CRISP1: variants seen among roughly 807,000 people sequenced by gnomAD.
CRISP1 encodes the protein cysteine rich secretory protein 1.
Under a neutral mutation model 33.1 loss-of-function variants are expected in CRISP1, and 44 were observed. That is an observed-to-expected ratio of 1.33 (90% CI 1.05 to 1.71). The LOEUF (loss-of-function observed/expected upper bound fraction) is 1.71. Ranked by LOEUF, CRISP1 falls within the 40% of genes most tolerant of loss-of-function variation. CRISP1 has a pLI of 0.00. For synonymous variants in CRISP1, 103 were observed against 98.7 expected (o/e 1.04, Z -0.26); for missense variants, 390 against 301.2 (o/e 1.29, Z -2.18).
At chr6:49,842,640 C>T (rs1298722696) in intron 5 of CRISP1, among the ~76,000 whole-genome samples, 3 of 152,144 alleles carry the variant, frequency 2.0e-5, no homozygotes, top group Non-Finnish European at 4.4e-5. Context: ...CATTAATGTT[C>T]TTGCTGTTCA....
At chr6:49,859,112 TCA>T (rs572831205) in intron 1 of CRISP1, among the ~76,000 whole-genome samples, 8 of 152,098 alleles carry the variant, frequency 5.3e-5, no homozygotes, top group Middle Eastern at 3.4e-3. Context: ...TTCTAGACTC[TCA>T]CAGACCCCTC....
chr6:49,842,346 A>G (rs993962792), intron 5 of CRISP1, among the ~76,000 whole-genome samples: 1 of 152,172 alleles, frequency 6.6e-6, no homozygotes, highest in Non-Finnish European at 1.5e-5. Context: ...CTGAACATCT[A>G]TTTTGCTATG....
At chr6:49,871,603 T>C (rs899704203) in intron 1 of CRISP1, among the ~76,000 whole-genome samples, 1 of 123,882 alleles carries the variant, frequency 8.1e-6, no homozygotes, top group Non-Finnish European at 1.6e-5. Context: ...CCTGTGTCCA[T>C]GTGTTCTCAT....
intron 1 of CRISP1, among the ~76,000 whole-genome samples, chr6:49,876,147 A>G (rs1056115461): frequency 2.0e-5 from 3 of 152,178 alleles, no homozygotes; most frequent in Non-Finnish European, 2.9e-5. Context: ...TATTCATCTG[A>G]CAAAGGTCTA....
rs190049921 is a variant in CRISP1 at position 49,858,053 on chromosome 6, A to C, written c.-2-651T>G. ...TCAATTTATGATAACTTGTTATAGT[A>C]GCAAGAGGAAACTAATATAAGAACA... On this transcript the variant is annotated intron_variant, in intron 1 of 7. Transcript: ENST00000335847. Among the ~76,000 whole-genome samples the C allele has an allele frequency of 3.0e-3, 460 of 152,324 alleles. 12 individuals carry two copies. The highest frequency in any genetic ancestry group is 0.028 in the Admixed American group (422 of 15,298).
intron 7 of CRISP1, among the ~76,000 whole-genome samples, chr6:49,837,640 G>A (rs1200362360): frequency 6.6e-6 from 1 of 151,986 alleles, no homozygotes; most frequent in African/African-American, 2.4e-5. Flanking sequence ...TACTTTAAAA[G>A]ACAATAAAGT....
chr6:49,859,660 G>T (rs528143939), intron 1 of CRISP1, among the ~76,000 whole-genome samples: 2 of 151,954 alleles, frequency 1.3e-5, no homozygotes, highest in African/African-American at 4.8e-5. Context: ...AAACTCAAAT[G>T]TTATCACTAC....
chr6:49,869,680 C>T (rs1446788048), upstream of CRISP1, among the ~76,000 whole-genome samples: 1 of 152,172 alleles, frequency 6.6e-6, no homozygotes, highest in Admixed American at 6.5e-5. Flanking sequence ...AGTATCCTTT[C>T]TTTCCCAGGA....
chr6:49,870,247 G>A (rs767729056), upstream of CRISP1, among the ~76,000 whole-genome samples: 3 of 152,172 alleles, frequency 2.0e-5, no homozygotes, highest in Non-Finnish European at 4.4e-5. Flanking sequence ...TTTGGAATTT[G>A]TGTCAGCTAG....
At chr6:49,863,496 TG>T (rs547928726) in intron 1 of CRISP1, among the ~76,000 whole-genome samples, 150 of 152,338 alleles carry the variant, frequency 9.8e-4, no homozygotes, top group African/African-American at 3.5e-3. Context: ...TATACACAGA[TG>T]GCAATCTTAA....
intron 1 of CRISP1, among the ~76,000 whole-genome samples, chr6:49,876,232 T>C (rs543640235): frequency 2.9e-4 from 44 of 152,112 alleles, no homozygotes; most frequent in African/African-American, 9.4e-4. Flanking sequence ...GCAAAGAACA[T>C]GAACAGATAC....
At chr6:49,852,559 G>A (rs1050943971) in intron 2 of CRISP1, among the ~76,000 whole-genome samples, 3 of 152,148 alleles carry the variant, frequency 2.0e-5, no homozygotes, top group African/African-American at 7.2e-5. Flanking sequence ...GAACCCTTGT[G>A]TAGAGGTGTG....
intron 3 of CRISP1, 47 bp downstream of exon 3, chr6:49,851,954 C>G (rs1215257394): frequency 6.3e-7 from 1 of 1,575,148 alleles, no homozygotes; most frequent in East Asian, 2.3e-5. Flanking sequence ...TCAGTAAACA[C>G]CATTACTATT....
chr6:49,839,902 T>A (rs1770928556), intron 6 of CRISP1, among the ~76,000 whole-genome samples: 1 of 152,220 alleles, frequency 6.6e-6, no homozygotes, highest in South Asian at 2.1e-4. Context: ...GTGGCGCCAC[T>A]GAAAATGTGA....
intron 1 of CRISP1, among the ~76,000 whole-genome samples, chr6:49,872,009 C>T (rs1771935158): frequency 6.6e-6 from 1 of 152,040 alleles, no homozygotes; most frequent in African/African-American, 2.4e-5. Flanking sequence ...AGTTTACAGT[C>T]CCACCAACAG....
rs1199309660 is a variant in CRISP1, at chr6:49,835,269, TCTC to T, written c.*44_*46del. The T allele has an allele frequency of 3.8e-6, 6 of 1,591,926 alleles. No homozygotes were observed. The highest frequency in any genetic ancestry group is 5.1e-6 in the Non-Finnish European group (6 of 1,167,734). ...GCAAAAGACATGAATCCAACAGACA[TCTC>T]CTCCTCATCGTCACAGCATAGAACA... On this transcript the variant is annotated 3_prime_UTR_variant, in exon 8 of 8. Coordinates refer to ENST00000335847, the MANE Select transcript of CRISP1 (RefSeq NM_001131.3).
At chr6:49,845,764 T>C (rs1397757436) in intron 5 of CRISP1, among the ~76,000 whole-genome samples, 2 of 148,616 alleles carry the variant, frequency 1.3e-5, no homozygotes, top group East Asian at 1.9e-4. Flanking sequence ...CAAAAGGTGA[T>C]ATACACATGC....
rs368705089 is a variant in CRISP1, at chr6:49,835,491, A to G, written c.623-48T>C. Reference sequence around the variant, plus strand: ...TACAACACAGTCTTTTAAAAATCGCATTTGCTGAGGAAAGAGACCATCTTA... The same window carrying G: ...TACAACACAGTCTTTTAAAAATCGCGTTTGCTGAGGAAAGAGACCATCTTA... On this transcript the variant is annotated intron_variant, in intron 7 of 7. Transcript: ENST00000335847. The G allele has an allele frequency of 3.1e-6, 5 of 1,589,334 alleles. No homozygotes were observed. The African/African-American group carries it at 5.4e-5, about 17-fold the overall frequency.
intron 5 of CRISP1, among the ~76,000 whole-genome samples, chr6:49,842,023 T>A (rs1771007136): frequency 6.6e-6 from 1 of 152,170 alleles, no homozygotes; most frequent in African/African-American, 2.4e-5. Flanking sequence ...TTCCTCACAT[T>A]TCTGTTCATG....
Sources: allele counts gnomAD v4.1 joint callset (sites outside exome capture counted in the v4.1 genomes callset), GRCh38; gene constraint gnomAD v4.1.1; transcripts MANE v1.5; gene names NCBI Gene and HGNC (gene_info 2026-07-23, HGNC 2026-07-21).